The following ASAP2 variants were observed in gnomAD, a reference collection of about 807,000 sequenced individuals.
ASAP2 encodes the protein ArfGAP with SH3 domain, ankyrin repeat and PH domain 2, also known as arf-GAP with SH3 domain, ANK repeat and PH domain-containing protein 2.
In ASAP2, 45 loss-of-function variants were observed where a neutral mutation model predicts 131.4. The observed-to-expected ratio is 0.34, with a 90% CI of 0.27 to 0.44. ASAP2 has a LOEUF of 0.44. Ranked by LOEUF, ASAP2 falls within the 20% of genes least tolerant of loss-of-function variation. ASAP2 has a pLI of 1.00. For synonymous variants in ASAP2, 510 were observed against 503.0 expected (o/e 1.01, Z -0.19); for missense variants, 1,011 against 1,297.0 (o/e 0.78, Z 3.39).
At chr2:9,216,310 A>G (rs1242212753) in intron 1 of ASAP2, among the ~76,000 whole-genome samples, 1 of 144,502 alleles carries the variant, frequency 6.9e-6, no homozygotes, top group African/African-American at 2.6e-5. Context: ...TTTCTGAGAC[A>G]GGGTCTGGCT....
In ASAP2 at chr2:9,292,722, C is replaced by A. The variant is rs553913785; in HGVS notation, c.200-4578C>A. ...TCAGCGCCTAGCACATTGCCTGATG[C>A]ATTGTAAGTGATCAGTGCATAGACT... is the stretch of plus-strand genomic sequence containing the variant. On this transcript the variant is annotated intron_variant, in intron 2 of 27. Transcript: ENST00000281419. 6.6e-5 allele frequency among the ~76,000 whole-genome samples: 10 copies of A among 152,298 alleles called. No homozygotes were observed. In the South Asian group the frequency reaches 2.1e-3, roughly 32 times the overall value.
intron 21 of ASAP2, among the ~76,000 whole-genome samples, chr2:9,388,072 A>C (rs1675423486): frequency 6.6e-6 from 1 of 152,194 alleles, no homozygotes; most frequent in African/African-American, 2.4e-5. Context: ...ACAAAGCCAA[A>C]CCATATCAGT....
chr2:9,316,999 ACT>A (rs1669728893), intron 3 of ASAP2, among the ~76,000 whole-genome samples: 1 of 137,952 alleles, frequency 7.2e-6, no homozygotes, highest in South Asian at 2.4e-4. Flanking sequence ...ACTCTCATAC[ACT>A]CTCACAACCA....
chr2:9,229,655 C>T (rs1214626790), intron 1 of ASAP2, among the ~76,000 whole-genome samples: 2 of 152,142 alleles, frequency 1.3e-5, no homozygotes, highest in African/African-American at 2.4e-5. Context: ...GGATTGCCTG[C>T]GTTAGGCACG....
chr2:9,228,299 G>A (rs907064644), intron 1 of ASAP2, among the ~76,000 whole-genome samples: 8 of 152,126 alleles, frequency 5.3e-5, no homozygotes, highest in African/African-American at 1.9e-4. Flanking sequence ...ATCTGTCATG[G>A]TGAGTATTCC....
intron 5 of ASAP2, among the ~76,000 whole-genome samples, chr2:9,322,381 C>T (rs942997100): frequency 2.6e-5 from 4 of 152,168 alleles, no homozygotes; most frequent in Admixed American, 1.3e-4. Context: ...CTACTTCAGG[C>T]TCTACAGAAA....
chr2:9,270,256 C>T lies in ASAP2; in HGVS notation c.127-9061C>T, dbSNP rs541321183. Reference sequence around the variant, plus strand: ...TTTGTGTTTTTTACACATAAGTTCCCGTGAAAGTTGCTTTTCCCCCGCTCT... The same window carrying T: ...TTTGTGTTTTTTACACATAAGTTCCTGTGAAAGTTGCTTTTCCCCCGCTCT... On this transcript the variant is annotated intron_variant, in intron 1 of 27. Transcript: ENST00000281419. Among the ~76,000 whole-genome samples the T allele has an allele frequency of 5.3e-5, 8 of 152,218 alleles. No individual in the cohort carries two copies. In the East Asian group the frequency reaches 9.7e-4, roughly 18 times the overall value.
At position 9,294,453 on chromosome 2, in the gene ASAP2, G is replaced by A. The variant is rs575837771; in HGVS notation, c.200-2847G>A. Among the ~76,000 whole-genome samples, 37 of 152,226 alleles carry A rather than the reference G, an allele frequency of 2.4e-4. 1 individual carries two copies. The highest frequency in any genetic ancestry group is 7.2e-4 in the African/African-American group (30 of 41,526). ...AGGCCGGCTCCTCTCTCCTACCAAGGGCTGGAGGACCAAGGGCTGGAGGCA... is the reference window on the plus strand; with the variant it reads ...AGGCCGGCTCCTCTCTCCTACCAAGAGCTGGAGGACCAAGGGCTGGAGGCA... On this transcript the variant is annotated intron_variant, in intron 2 of 27. Coordinates refer to ENST00000281419, the MANE Select transcript of ASAP2 (RefSeq NM_003887.3).
chr2:9,259,255 A>T (rs1022308736), intron 1 of ASAP2, among the ~76,000 whole-genome samples: 1 of 152,240 alleles, frequency 6.6e-6, no homozygotes, highest in Non-Finnish European at 1.5e-5. Context: ...GGGGAGAAAC[A>T]TTCATCCCTC....
intron 24 of ASAP2, among the ~76,000 whole-genome samples, chr2:9,395,318 CA>C (rs1344428034): frequency 6.6e-6 from 1 of 151,988 alleles, no homozygotes; most frequent in South Asian, 2.1e-4. Flanking sequence ...ACTAAAAATA[CA>C]AAAAAATTAG....
chr2:9,358,539 G>C (rs1456293369), intron 14 of ASAP2, among the ~76,000 whole-genome samples: 1 of 152,198 alleles, frequency 6.6e-6, no homozygotes, highest in Non-Finnish European at 1.5e-5. Context: ...AGGATGGGGA[G>C]ATGGAGAGAG....
rs1346057396 is a variant in ASAP2 at position 9,268,189 on chromosome 2, G to A, written c.127-11128G>A. Among the ~76,000 whole-genome samples, 3 of 152,194 alleles carry A rather than the reference G, an allele frequency of 2.0e-5. No individual in the cohort carries two copies. The East Asian group carries it at 5.8e-4, about 29-fold the overall frequency. The stretch of plus-strand genomic sequence containing the variant: ...GGTAAGTTTGTTCTCTTCCGTTGCT[G>A]TGTAGCATTCTGTTGTACGAATGTC... On this transcript the variant is annotated intron_variant, in intron 1 of 27. Coordinates refer to ENST00000281419, the MANE Select transcript of ASAP2 (RefSeq NM_003887.3). The surrounding 1 kb of genome is among the most constrained non-coding windows in gnomAD (Gnocchi z 4.1).
At chr2:9,319,587 G>A (rs1431198668) in intron 4 of ASAP2, among the ~76,000 whole-genome samples, 2 of 152,376 alleles carry the variant, frequency 1.3e-5, no homozygotes, top group South Asian at 2.1e-4. Flanking sequence ...GAGCCAGTTC[G>A]TGCAGGGACT....
At chr2:9,216,028 G>T (rs1030169983) in intron 1 of ASAP2, among the ~76,000 whole-genome samples, 5 of 152,082 alleles carry the variant, frequency 3.3e-5, no homozygotes, top group African/African-American at 1.2e-4. Context: ...TTCTGAGCTG[G>T]GTAGGTCCTA....
At chr2:9,247,032 G>C (rs1291014696) in intron 1 of ASAP2, among the ~76,000 whole-genome samples, 1 of 151,832 alleles carries the variant, frequency 6.6e-6, no homozygotes, top group Non-Finnish European at 1.5e-5. Context: ...GTAGAGATGG[G>C]GTCTGTGTTG....
chr2:9,326,167 G>T (rs1397112500), intron 6 of ASAP2, among the ~76,000 whole-genome samples: 1 of 152,176 alleles, frequency 6.6e-6, no homozygotes, highest in Non-Finnish European at 1.5e-5. Context: ...GATTCCTTGA[G>T]CCCAGGAGTT....
At chr2:9,245,781 C>T (rs1225630308) in intron 1 of ASAP2, among the ~76,000 whole-genome samples, 1 of 152,100 alleles carries the variant, frequency 6.6e-6, no homozygotes, top group Non-Finnish European at 1.5e-5. Flanking sequence ...CGTCTGCCTC[C>T]ACTAGAGTGT....
In ASAP2 at chr2:9,347,364, T is replaced by A. The variant is rs140279663; in HGVS notation, c.1023+2564T>A. 2.6e-3 allele frequency among the ~76,000 whole-genome samples: 389 copies of A among 152,224 alleles called. 2 individuals carry two copies. The highest frequency in any genetic ancestry group is 9.1e-3 in the African/African-American group (377 of 41,524). Reference sequence around the variant, plus strand: ...GAGATGCCCTTTTGGTTTGGTTTGGTTTTGACTTGATTTCTTGTGCAGCTC... The same window carrying A: ...GAGATGCCCTTTTGGTTTGGTTTGGATTTGACTTGATTTCTTGTGCAGCTC... On this transcript the variant is annotated intron_variant, in intron 11 of 27. Transcript: ENST00000281419.
intron 3 of ASAP2, among the ~76,000 whole-genome samples, chr2:9,300,000 G>A (rs772357094): frequency 3.3e-5 from 5 of 152,190 alleles, no homozygotes; most frequent in Non-Finnish European, 4.4e-5. Context: ...GGAGGCCAAG[G>A]TGGGCGGGTT....
Sources: allele counts gnomAD v4.1 joint callset (sites outside exome capture counted in the v4.1 genomes callset), GRCh38; gene constraint gnomAD v4.1.1; non-coding constraint Gnocchi (gnomAD v3.1); transcripts MANE v1.5; gene names NCBI Gene and HGNC (gene_info 2026-07-23, HGNC 2026-07-21).